Variants in PTK2 observed in about 807,000 individuals in gnomAD.
PTK2 encodes the protein protein tyrosine kinase 2.
PTK2 carries 45 observed loss-of-function variants against 150.1 expected under a neutral mutation model. That is an observed-to-expected ratio of 0.30 (90% CI 0.24 to 0.38). The LOEUF is 0.38. Ranked by LOEUF, PTK2 falls within the 10% of genes least tolerant of loss-of-function variation. The pLI is 1.00. For missense variants in PTK2, 919 were observed against 1,307.3 expected, an observed-to-expected ratio of 0.70 and a Z score of 4.58; for synonymous variants, 432 against 449.2, an observed-to-expected ratio of 0.96 and a Z score of 0.48.
At chr8:140,838,960 C>G (rs970307334) in intron 7 of PTK2, among the ~76,000 whole-genome samples, 2 of 150,532 alleles carry the variant, frequency 1.3e-5, no homozygotes, top group Non-Finnish European at 3.0e-5. Flanking sequence ...GAGCCGAGAT[C>G]GCGCCACTGC....
chr8:140,958,225 C>G (rs1038864957), intron 1 of PTK2, among the ~76,000 whole-genome samples: 2 of 152,196 alleles, frequency 1.3e-5, no homozygotes, highest in African/African-American at 4.8e-5. Flanking sequence ...GCAGCACCAA[C>G]CTACTGGGCT....
intron 11 of PTK2, among the ~76,000 whole-genome samples, chr8:140,800,779 TGAAAACA>T (rs1402598550): frequency 4.6e-5 from 7 of 152,120 alleles, no homozygotes; most frequent in Admixed American, 4.6e-4. Context: ...CAAACCCAGA[TGAAAACA>T]GAAAAATCAC....
chr8:140,762,417 T>C, intron 15 of PTK2, 29 bp from the exon 18 acceptor site: 1 of 1,118,176 alleles, frequency 8.9e-7, no homozygotes. Context: ...AGAAAAAAAT[T>C]GAAGACCTTG....
chr8:140,704,982 T>G (rs1564745337), intron 24 of PTK2, among the ~76,000 whole-genome samples: 1 of 152,196 alleles, frequency 6.6e-6, no homozygotes, highest in African/African-American at 2.4e-5. Flanking sequence ...CTCTTGACTC[T>G]GCCAGGCAAG....
chr8:140,980,485 G>T (rs2100191009), intron 1 of PTK2, among the ~76,000 whole-genome samples: 1 of 152,036 alleles, frequency 6.6e-6, no homozygotes, highest in Non-Finnish European at 1.5e-5. Context: ...AGCCGGGCAT[G>T]GTGGTGGGCG....
At chr8:140,753,885 A>C (rs1474871858) in intron 16 of PTK2, among the ~76,000 whole-genome samples, 3 of 152,204 alleles carry the variant, frequency 2.0e-5, no homozygotes, top group African/African-American at 7.2e-5. Context: ...CTGCAGAATT[A>C]ATTAATGCTA....
At chr8:140,676,380 A>AAATTAATTAATT (rs57904871) in intron 27 of PTK2, among the ~76,000 whole-genome samples, 1 of 131,516 alleles carries the variant, frequency 7.6e-6, no homozygotes, top group African/African-American at 2.7e-5. Context: ...TGTCTCAAAA[A>AAATTAATTAATT]AATTAATTAA....
rs115853035 is a variant in PTK2, at chr8:140,868,958, G to T, written c.363-4559C>A. On this transcript the variant is annotated intron_variant, in intron 4 of 31. Coordinates refer to ENST00000522684, the Ensembl canonical transcript of PTK2. ...CAATGTTAATCTCCTGGTTTTACTA[G>T]CTATATTATTTAAGATTTTAATATT... 3.8e-3 allele frequency among the ~76,000 whole-genome samples: 586 copies of T among 152,234 alleles called. 6 individuals carry two copies. Among genetic ancestry groups the T allele is most frequent in the African/African-American group, 0.014 (564 of 41,558 alleles).
intron 26 of PTK2, among the ~76,000 whole-genome samples, chr8:140,695,760 T>G (rs1292303859): frequency 6.6e-6 from 1 of 152,138 alleles, no homozygotes; most frequent in East Asian, 1.9e-4. Flanking sequence ...TTGCCAAGCC[T>G]AAGTAATCAG....
chr8:140,906,855 T>A (rs73714780), intron 2 of PTK2, among the ~76,000 whole-genome samples: 3,673 of 152,300 alleles, frequency 0.024, 159 homozygotes, highest in African/African-American at 0.085. Flanking sequence ...CTAATTACCC[T>A]GATTTGATCA....
At chr8:140,927,859 G>A (rs2154608440) in intron 1 of PTK2, among the ~76,000 whole-genome samples, 1 of 148,288 alleles carries the variant, frequency 6.7e-6, no homozygotes, top group Middle Eastern at 3.6e-3. Context: ...GGAGGCTGAG[G>A]CAGGAGAATC....
chr8:140,826,884 C>T (rs141284642), intron 8 of PTK2, among the ~76,000 whole-genome samples: 159 of 152,226 alleles, frequency 1.0e-3, no homozygotes, highest in African/African-American at 3.3e-3. Context: ...CGCCAATGCA[C>T]TCCAGCCTGG....
At chr8:140,935,702 C>CTTTTTTTTTTTTTTTTTTTTTTTTTT (rs34554819) in intron 1 of PTK2, among the ~76,000 whole-genome samples, 2 of 123,858 alleles carry the variant, frequency 1.6e-5, no homozygotes, top group African/African-American at 6.1e-5. Context: ...ATGTCCTCAT[C>CTTTTTTTTTTTTTTTTTTTTTTTTTT]TTTTTTTTTT....
intron 2 of PTK2, among the ~76,000 whole-genome samples, chr8:140,895,622 C>A (rs1055971260): frequency 6.6e-6 from 1 of 151,790 alleles, no homozygotes; most frequent in Non-Finnish European, 1.5e-5. Context: ...ATGGTTAATG[C>A]ACAGAAAAAT....
intron 22 of PTK2, 36 bp from the exon 26 acceptor site, chr8:140,717,745 A>G: frequency 6.4e-7 from 1 of 1,565,676 alleles, no homozygotes; most frequent in Non-Finnish European, 8.8e-7. Context: ...GGGAGCTGAC[A>G]ACCCAGAGTT....
intron 2 of PTK2, among the ~76,000 whole-genome samples, chr8:140,895,605 A>G (rs1255580519): frequency 6.6e-6 from 1 of 152,186 alleles, no homozygotes; most frequent in Non-Finnish European, 1.5e-5. Context: ...ACATCTGTGA[A>G]GGGGGGATGG....
intron 21 of PTK2, among the ~76,000 whole-genome samples, chr8:140,735,902 G>T (rs1376424473): frequency 6.6e-6 from 1 of 152,160 alleles, no homozygotes; most frequent in East Asian, 1.9e-4. Context: ...TCCTTAAAAT[G>T]CTTCCCTTAA....
chr8:140,948,648 T>C (rs943867314), intron 1 of PTK2: 3 of 152,078 alleles, frequency 2.0e-5, no homozygotes, highest in African/African-American at 7.2e-5. Flanking sequence ...AAGTCACAAA[T>C]GATAAAGTTT....
intron 1 of PTK2, among the ~76,000 whole-genome samples, chr8:140,936,664 T>A (rs2100173751): frequency 6.6e-6 from 1 of 152,106 alleles, no homozygotes; most frequent in Admixed American, 6.6e-5. Context: ...ACCAGCAAAT[T>A]AAAGAGCCAT....
Sources: gnomAD v4.1 joint callset for allele counts (sites outside exome capture counted in the v4.1 genomes callset) on GRCh38, gnomAD v4.1.1 for gene constraint, MANE v1.5 for transcripts, NCBI Gene and HGNC (gene_info 2026-07-23, HGNC 2026-07-21) for gene names.